The following BCHE variants were observed in gnomAD, a reference collection of about 807,000 sequenced individuals.
The protein encoded by BCHE is cholinesterase.
A neutral mutation model predicts 51.3 loss-of-function variants in BCHE; 48 were observed. The ratio of observed to expected loss-of-function variants is 0.94; its 90% confidence interval spans 0.74 to 1.19. The LOEUF (loss-of-function observed/expected upper bound fraction) is 1.19. Ranked by LOEUF, BCHE falls within the 50% of genes most tolerant of loss-of-function variation. BCHE has a pLI of 0.00. For synonymous variants in BCHE, 251 were observed against 238.0 expected, an observed-to-expected ratio of 1.05 and a Z score of -0.50; for missense variants, 847 against 708.2, an observed-to-expected ratio of 1.20 and a Z score of -2.23.
intron 2 of BCHE, among the ~76,000 whole-genome samples, chr3:165,797,537 G>A (rs919803985): frequency 2.6e-5 from 4 of 151,636 alleles, no homozygotes; most frequent in African/African-American, 9.7e-5. Context: ...AATCCCAGAG[G>A]AGTGACAGCC....
At chr3:165,827,444 T>A (rs1399523748) in intron 2 of BCHE, among the ~76,000 whole-genome samples, 1 of 151,422 alleles carries the variant, frequency 6.6e-6, no homozygotes, top group Non-Finnish European at 1.5e-5. Flanking sequence ...TATTAATTAA[T>A]TAATAATTAA....
Position 165,829,967 on chromosome 3 carries a change from GCTGTCCCTTCAT to G in BCHE, c.1055_1066del (p.Asp352_Thr355del). 1 of 1,613,684 alleles carries G rather than the reference GCTGTCCCTTCAT, an allele frequency of 6.2e-7. No individual in the cohort carries two copies. The highest frequency in any genetic ancestry group is 8.5e-7 in the Non-Finnish European group (1 of 1,179,858). ...GCCAGGAGCACCATAGACTAAAAAA[GCTGTCCCTTCAT>G]CTTTATTAACACCCACCAAAATCTG... On this transcript the variant is annotated inframe_deletion, in exon 2 of 4. Coordinates refer to ENST00000264381, the MANE Select transcript of BCHE (RefSeq NM_000055.4).
intron 2 of BCHE, among the ~76,000 whole-genome samples, chr3:165,814,571 A>G (rs936542008): frequency 2.5e-4 from 38 of 152,182 alleles, no homozygotes; most frequent in African/African-American, 8.9e-4. Flanking sequence ...TCAGGAATTC[A>G]GCCAAATCTT....
intron 2 of BCHE, among the ~76,000 whole-genome samples, chr3:165,823,643 A>G (rs1277428609): frequency 2.0e-5 from 3 of 152,172 alleles, no homozygotes; most frequent in South Asian, 2.1e-4. Flanking sequence ...ATATTTTCCC[A>G]TAAGGAAAAC....
chr3:165,773,629 A>T, intron 3 of BCHE, 123 bp from the exon 4 acceptor site: 1 of 729,956 alleles, frequency 1.4e-6, no homozygotes. Context: ...TTCTTTATTT[A>T]TTCTTTATTA....
rs532592006 is a variant in BCHE at position 165,776,578 on chromosome 3, C to G, written c.1685-3072G>C. On this transcript the variant is annotated intron_variant, in intron 3 of 3. Transcript: ENST00000264381. ...GAGGCTTGATACTAAATTCACAGGT[C>G]AAATATTGATGTGACGTTTTCTTTA... Among the ~76,000 whole-genome samples, 19 of 151,752 alleles carry G rather than the reference C, an allele frequency of 1.3e-4. No individual in the cohort carries two copies. In the South Asian group the frequency reaches 4.0e-3, roughly 32 times the overall value.
intron 2 of BCHE, among the ~76,000 whole-genome samples, chr3:165,802,507 C>A (rs1199533109): frequency 6.6e-6 from 1 of 151,988 alleles, no homozygotes. Flanking sequence ...ACCTTGGTGG[C>A]TCAGATTAGG....
intron 2 of BCHE, among the ~76,000 whole-genome samples, chr3:165,811,058 T>C (rs1714074491): frequency 6.6e-6 from 1 of 152,176 alleles, no homozygotes; most frequent in East Asian, 1.9e-4. Flanking sequence ...ATTACCTAAT[T>C]GATATTTAAG....
intron 2 of BCHE, among the ~76,000 whole-genome samples, chr3:165,812,310 C>T (rs1214068865): frequency 2.0e-5 from 3 of 149,392 alleles, no homozygotes; most frequent in South Asian, 2.1e-4. Flanking sequence ...GGTCCCACTA[C>T]GTTTATCATG....
At chr3:165,834,654 T>C (rs1241777625) in intron 1 of BCHE, among the ~76,000 whole-genome samples, 18 of 151,948 alleles carry the variant, frequency 1.2e-4, no homozygotes, top group Admixed American at 8.5e-4. Context: ...TTTAAAAATT[T>C]TGATATGTTT....
In BCHE at chr3:165,786,323, A is replaced by T. The variant is rs1411295344; in HGVS notation, c.1518-12T>A. On this transcript the variant is annotated splice_polypyrimidine_tract_variant and intron_variant, in intron 2 of 3. Coordinates refer to ENST00000264381, the MANE Select transcript of BCHE (RefSeq NM_000055.4). ...TCTCATTTGGATTCCTAAATAATAA[A>T]ATAGAGACATTATAGTAAAATTGAA... The T allele has an allele frequency of 6.2e-7, 1 of 1,601,654 alleles. No individual in the cohort carries two copies. Among genetic ancestry groups the T allele is most frequent in the South Asian group, 1.1e-5 (1 of 90,434 alleles).
At chr3:165,833,109 G>A (rs1715050949) in intron 1 of BCHE, among the ~76,000 whole-genome samples, 1 of 151,804 alleles carries the variant, frequency 6.6e-6, no homozygotes, top group African/African-American at 2.4e-5. Flanking sequence ...AAAAAATCAA[G>A]CCACAAGATT....
intron 2 of BCHE, among the ~76,000 whole-genome samples, chr3:165,786,710 T>C (rs1464517404): frequency 6.6e-6 from 1 of 151,800 alleles, no homozygotes; most frequent in Non-Finnish European, 1.5e-5. Context: ...TACTCATCTT[T>C]TGCATCTATT....
intron 2 of BCHE, among the ~76,000 whole-genome samples, chr3:165,814,243 CTCAT>C (rs1401494243): frequency 6.6e-6 from 1 of 152,022 alleles, no homozygotes; most frequent in Non-Finnish European, 1.5e-5. Flanking sequence ...TTATTCTCCT[CTCAT>C]TCTCTATTTC....
intron 2 of BCHE, among the ~76,000 whole-genome samples, chr3:165,790,464 AT>A (rs1311672429): frequency 1.3e-5 from 2 of 152,190 alleles, no homozygotes; most frequent in African/African-American, 4.8e-5. Context: ...ACTTTTTGCT[AT>A]AAGAAAACTG....
intron 2 of BCHE, among the ~76,000 whole-genome samples, chr3:165,797,478 T>C (rs1285008747): frequency 6.6e-6 from 1 of 151,048 alleles, no homozygotes; most frequent in African/African-American, 2.4e-5. Flanking sequence ...CCCATTTTCA[T>C]CTTCCAGAGA....
intron 2 of BCHE, among the ~76,000 whole-genome samples, chr3:165,810,430 T>C (rs1290048679): frequency 6.6e-6 from 1 of 152,174 alleles, no homozygotes; most frequent in Non-Finnish European, 1.5e-5. Context: ...TGTGTGCAGA[T>C]AGGCGTATTT....
At chr3:165,812,659 T>G (rs940564149) in intron 2 of BCHE, among the ~76,000 whole-genome samples, 1 of 151,966 alleles carries the variant, frequency 6.6e-6, no homozygotes, top group Non-Finnish European at 1.5e-5. Flanking sequence ...AAAATTTCCA[T>G]GTTGTTTTTC....
chr3:165,829,010 G>A (rs1714842767), intron 2 of BCHE, among the ~76,000 whole-genome samples: 1 of 151,976 alleles, frequency 6.6e-6, no homozygotes, highest in South Asian at 2.1e-4. Context: ...ACAATACAAT[G>A]GCAAATGTAT....
Sources: gnomAD v4.1 joint callset for allele counts (sites outside exome capture counted in the v4.1 genomes callset) on GRCh38, gnomAD v4.1.1 for gene constraint, MANE v1.5 for transcripts, NCBI Gene and HGNC (gene_info 2026-07-23, HGNC 2026-07-21) for gene names.